Variants in PTCHD4 observed in about 807,000 individuals in gnomAD.
PTCHD4 encodes patched domain containing 4, also known as patched domain-containing protein 4.
A neutral mutation model predicts 58.1 loss-of-function variants in PTCHD4; 33 were observed. That is an observed-to-expected ratio of 0.57 (90% confidence interval 0.43 to 0.76). The LOEUF (loss-of-function observed/expected upper bound fraction) is 0.76. Among genes scored for constraint, PTCHD4 ranks in the 30% least tolerant of loss-of-function variants. PTCHD4 has a pLI of 0.00. For synonymous variants in PTCHD4, 478 were observed against 409.6 expected, an observed-to-expected ratio of 1.17 and a Z score of -2.02; for missense variants, 1,058 against 1,027.1, an observed-to-expected ratio of 1.03 and a Z score of -0.41.
chr6:47,915,646 A>G (rs1328969), intron 4 of PTCHD4, among the ~76,000 whole-genome samples: 85,723 of 151,170 alleles, frequency 0.57, 25,592 homozygotes, highest in East Asian at 0.78. Flanking sequence ...CTGGAAGTTA[A>G]TTTCTTTGTA....
At position 47,857,704 on chromosome 6, in the gene PTCHD4, C is replaced by T. The variant is rs1763335149; in HGVS notation, c.*20599G>A. Among the ~76,000 whole-genome samples, 1 of 151,852 alleles carries T rather than the reference C, an allele frequency of 6.6e-6. No individual in the cohort carries two copies. The highest frequency in any genetic ancestry group is 2.1e-4 in the South Asian group (1 of 4,822). ...TAAGAGCTGTAAATTAGTTAATAGA[C>T]TACTTATTTTCATTTGGGGAACAGG... On this transcript the variant is annotated 3_prime_UTR_variant, in exon 5 of 5. Transcript: ENST00000339488.
chr6:47,941,866 A>G (rs1433029816), intron 4 of PTCHD4, among the ~76,000 whole-genome samples: 3 of 152,196 alleles, frequency 2.0e-5, no homozygotes, highest in South Asian at 4.1e-4. Flanking sequence ...ACACATTTTG[A>G]TATTTCCTTA....
intron 4 of PTCHD4, among the ~76,000 whole-genome samples, chr6:48,006,438 C>T (rs1762441137): frequency 6.6e-6 from 1 of 152,120 alleles, no homozygotes; most frequent in South Asian, 2.1e-4. Context: ...CTAATTAGTT[C>T]ATCAGCAGTT....
At chr6:47,909,336 C>T (rs1268319312) in intron 4 of PTCHD4, among the ~76,000 whole-genome samples, 1 of 151,982 alleles carries the variant, frequency 6.6e-6, no homozygotes, top group Admixed American at 6.6e-5. Context: ...TATGTAAGTA[C>T]AAAATGCTAA....
chr6:47,994,482 G>T (rs1352095759), intron 4 of PTCHD4, among the ~76,000 whole-genome samples: 3 of 152,144 alleles, frequency 2.0e-5, no homozygotes, highest in African/African-American at 4.8e-5. Context: ...GTGATGATAG[G>T]CATGTAAACA....
At position 47,952,251 on chromosome 6, in the gene PTCHD4, GAATT is replaced by G. The variant is rs200197331; in HGVS notation, c.898+56379_898+56382del. 9.1e-4 allele frequency among the ~76,000 whole-genome samples: 139 copies of G among 152,236 alleles called. 3 individuals carry two copies. The East Asian group carries it at 0.025, about 27-fold the overall frequency. On this transcript the variant is annotated intron_variant, in intron 4 of 4. Coordinates refer to ENST00000339488, the MANE Select transcript of PTCHD4 (RefSeq NM_001384253.1). ...TTTACAATAGAGTTCCCCAAAGGAAGAATTAATTGTCTCTTGAGCTGTGCTGCTG... is the reference window on the plus strand; with the variant it reads ...TTTACAATAGAGTTCCCCAAAGGAAGAATTGTCTCTTGAGCTGTGCTGCTG...
chr6:48,052,122 G>A (rs1764255652), intron 3 of PTCHD4, among the ~76,000 whole-genome samples: 1 of 151,984 alleles, frequency 6.6e-6, no homozygotes, highest in Admixed American at 6.6e-5. Flanking sequence ...ACAAATACAG[G>A]GAGGAGAAAG....
intron 4 of PTCHD4, among the ~76,000 whole-genome samples, chr6:47,951,659 C>T (rs1033735384): frequency 6.6e-6 from 1 of 152,084 alleles, no homozygotes; most frequent in Non-Finnish European, 1.5e-5. Context: ...TCCTAAATAA[C>T]CCTTCCTCCT....
chr6:48,052,755 T>C (rs1160077472), intron 3 of PTCHD4, among the ~76,000 whole-genome samples: 6 of 152,102 alleles, frequency 3.9e-5, no homozygotes, highest in African/African-American at 1.2e-4. Context: ...GGGTACTAAA[T>C]GTTTGGCTCT....
intron 3 of PTCHD4, among the ~76,000 whole-genome samples, chr6:48,033,408 A>G (rs1481292573): frequency 6.6e-6 from 1 of 151,050 alleles, no homozygotes; most frequent in African/African-American, 2.4e-5. Context: ...GTTAAGACCA[A>G]CCATGTGAGC....
chr6:48,109,797 A>G (rs1765826001), intron 1 of PTCHD4, among the ~76,000 whole-genome samples: 2 of 152,170 alleles, frequency 1.3e-5, no homozygotes, highest in South Asian at 4.1e-4. Context: ...TTCCAAAGAA[A>G]ACATACAAGT....
At chr6:47,903,405 C>T (rs568088194) in intron 4 of PTCHD4, among the ~76,000 whole-genome samples, 13 of 152,224 alleles carry the variant, frequency 8.5e-5, no homozygotes, top group African/African-American at 3.1e-4. Context: ...TAGCCTCAAC[C>T]TCCCTGGCTC....
intron 4 of PTCHD4, among the ~76,000 whole-genome samples, chr6:47,905,397 T>A (rs1764846377): frequency 6.6e-6 from 1 of 152,214 alleles, no homozygotes; most frequent in African/African-American, 2.4e-5. Flanking sequence ...AAGTTGGGTC[T>A]ATGGTTTAAT....
chr6:47,966,195 GGTTCAGTTCCA>G (rs1767288680), intron 4 of PTCHD4, among the ~76,000 whole-genome samples: 2 of 152,098 alleles, frequency 1.3e-5, no homozygotes, highest in African/African-American at 4.8e-5. Flanking sequence ...TTATATAGCA[GGTTCAGTTCCA>G]GACCACCACA....
chr6:48,104,813 T>A (rs1402971992), intron 1 of PTCHD4, among the ~76,000 whole-genome samples: 3 of 152,042 alleles, frequency 2.0e-5, no homozygotes, highest in Non-Finnish European at 4.4e-5. Flanking sequence ...TAGTCTCGGA[T>A]AAAACAGACT....
At position 48,006,234 on chromosome 6, in the gene PTCHD4, GC is replaced by G. The variant is rs555512233; in HGVS notation, c.898+2399del. Among the ~76,000 whole-genome samples the G allele has an allele frequency of 4.0e-3, 605 of 152,304 alleles. 4 individuals are homozygous for G. Among genetic ancestry groups the G allele is most frequent in the Admixed American group, 6.4e-3 (98 of 15,292 alleles). On this transcript the variant is annotated intron_variant, in intron 4 of 4. Coordinates refer to ENST00000339488, the MANE Select transcript of PTCHD4 (RefSeq NM_001384253.1). ...GATTCTAAAAGTCACTGGGAGAGGT[GC>G]AAAGTGTGTGTTGAAGGGTCTAGAC...
chr6:47,979,640 T>C (rs576575997), intron 4 of PTCHD4, among the ~76,000 whole-genome samples: 56 of 152,226 alleles, frequency 3.7e-4, no homozygotes, highest in Non-Finnish European at 7.1e-4. Context: ...ACAAATCATG[T>C]TAATTAGATA....
chr6:47,923,016 A>G (rs1386651226), intron 4 of PTCHD4, among the ~76,000 whole-genome samples: 1 of 152,170 alleles, frequency 6.6e-6, no homozygotes, highest in Non-Finnish European at 1.5e-5. Flanking sequence ...GGTTCTTATC[A>G]TCTGAGTTTT....
rs1003408446 is a variant in PTCHD4 at position 47,871,337 on chromosome 6, A to C, written c.*6966T>G. 6.6e-6 allele frequency among the ~76,000 whole-genome samples: 1 copy of C among 151,678 alleles called. No individual in the cohort carries two copies. The highest frequency in any genetic ancestry group is 2.4e-5 in the African/African-American group (1 of 41,384). On this transcript the variant is annotated 3_prime_UTR_variant, in exon 5 of 5. Coordinates refer to ENST00000339488, the MANE Select transcript of PTCHD4 (RefSeq NM_001384253.1). ...TCTTTCTATTTGCCTAGAATAAACA[A>C]ACAAACACCCGAACAGATTTTTTCC...
Sources: gnomAD v4.1 joint callset for allele counts (sites outside exome capture counted in the v4.1 genomes callset) on GRCh38, gnomAD v4.1.1 for gene constraint, MANE v1.5 for transcripts, NCBI Gene and HGNC (gene_info 2026-07-23, HGNC 2026-07-21) for gene names.